Variants in FBXW2 observed in about 807,000 individuals in gnomAD.
FBXW2 encodes F-box/WD repeat-containing protein 2.
Under a neutral mutation model 46.0 loss-of-function variants are expected in FBXW2, and 12 were observed. The ratio of observed to expected loss-of-function variants is 0.26; its 90% CI spans 0.17 to 0.42. The LOEUF (loss-of-function observed/expected upper bound fraction) is 0.42. Ranked by LOEUF, FBXW2 falls within the 10% of genes least tolerant of loss-of-function variation. FBXW2 has a pLI of 1.00. For missense variants in FBXW2, 360 were observed against 537.0 expected (o/e 0.67, Z 3.26); for synonymous variants, 203 against 209.6 (o/e 0.97, Z 0.27).
intron 2 of FBXW2, 134 bp from the exon 3 acceptor site, chr9:120,788,412 T>C: frequency 1.4e-6 from 1 of 720,672 alleles, no homozygotes; most frequent in Admixed American, 2.7e-5. Context: ...ATTACAACTT[T>C]ACAGTTAATA....
At chr9:120,781,558 G>A (rs1204333078) in intron 3 of FBXW2, among the ~76,000 whole-genome samples, 1 of 151,766 alleles carries the variant, frequency 6.6e-6, no homozygotes, top group Non-Finnish European at 1.5e-5. Context: ...GGGAAAACTA[G>A]AGGCAAGAAG....
rs1262999098 is a variant in FBXW2 at position 120,763,170 on chromosome 9, G to T, written c.*1389C>A. ...AACAATGTGAAGACCTGCCAACCCTGGGCTTGCTTCTCCTAATGACAAAAC... is the reference window on the plus strand; with the variant it reads ...AACAATGTGAAGACCTGCCAACCCTTGGCTTGCTTCTCCTAATGACAAAAC... On this transcript the variant is annotated 3_prime_UTR_variant, in exon 8 of 8. Coordinates refer to ENST00000608872, the MANE Select transcript of FBXW2 (RefSeq NM_012164.4). The T allele has an allele frequency of 6.6e-6, 1 of 152,154 alleles. No homozygotes were observed. Among genetic ancestry groups the T allele is most frequent in the African/African-American group, 2.4e-5 (1 of 41,442 alleles). 9.4% of individuals were successfully genotyped at this position (152,154 alleles called of 1,614,324 possible).
intron 2 of FBXW2, among the ~76,000 whole-genome samples, chr9:120,790,833 T>A (rs191974646): frequency 3.7e-4 from 57 of 152,014 alleles, no homozygotes; most frequent in African/African-American, 1.3e-3. Context: ...AAAAAAAAAA[T>A]GCCAAATTAA....
At chr9:120,770,915 CT>C (rs1313137348) in intron 7 of FBXW2, among the ~76,000 whole-genome samples, 1 of 152,174 alleles carries the variant, frequency 6.6e-6, no homozygotes, top group Non-Finnish European at 1.5e-5. Flanking sequence ...AAGTCTCTGT[CT>C]TTCTACTAGT....
chr9:120,769,692 T>C (rs2131294961), intron 7 of FBXW2, among the ~76,000 whole-genome samples: 1 of 152,342 alleles, frequency 6.6e-6, no homozygotes, highest in African/African-American at 2.4e-5. Flanking sequence ...TCCCCTGTTT[T>C]TGGTGTCCCT....
chr9:120,784,726 C>T (rs1445844066), intron 3 of FBXW2, among the ~76,000 whole-genome samples: 11 of 151,918 alleles, frequency 7.2e-5, no homozygotes, highest in Non-Finnish European at 1.3e-4. Flanking sequence ...TTGAGACCAG[C>T]CTGACCAACA....
At position 120,764,545 on chromosome 9, in the gene FBXW2, G is replaced by T; in HGVS notation, c.*14C>A. 6.2e-7 allele frequency: 1 copy of T among 1,601,404 alleles called. No homozygotes were observed. Among genetic ancestry groups the T allele is most frequent in the Non-Finnish European group, 8.5e-7 (1 of 1,169,692 alleles). ...CCGGCACCCAAAGTCAGTCAGCGGT[G>T]GTGGCTCATGGTGTCAGCCGTGCTC... On this transcript the variant is annotated 3_prime_UTR_variant, in exon 8 of 8. Transcript: ENST00000608872.
rs2044371082 is a variant in FBXW2 at position 120,771,343 on chromosome 9, A to G, written c.1076+5T>C. The G allele has an allele frequency of 1.2e-6, 2 of 1,607,290 alleles. No homozygotes were observed. The highest frequency in any genetic ancestry group is 1.7e-5 in the Admixed American group (1 of 58,552). On this transcript the variant is annotated splice_donor_5th_base_variant and intron_variant, in intron 7 of 7. Coordinates refer to ENST00000608872, the MANE Select transcript of FBXW2 (RefSeq NM_012164.4). ...GGTAAAGCGTGAGGTCGAAGGAAAC[A>G]TTACCTGAGAATATCATAACTGGCA...
At position 120,757,620 on chromosome 9, in the gene FBXW2, A is replaced by C; in HGVS notation, c.*6939T>G. 1 of 152,244 alleles carries C rather than the reference A, an allele frequency of 6.6e-6. No individual in the cohort carries two copies. The highest frequency in any genetic ancestry group is 1.9e-4 in the East Asian group (1 of 5,204). The allele number at this position is 152,244 out of a possible 1,614,324, so 9.4% of individuals were successfully genotyped here. On this transcript the variant is annotated 3_prime_UTR_variant, in exon 8 of 8. Transcript: ENST00000608872. ...ATTTGCAGTACATAAATCCATACAC[A>C]TGTGCATAAGGATTAGAAGAGAGTA...
intron 7 of FBXW2, among the ~76,000 whole-genome samples, chr9:120,770,516 C>CA (rs1281322796): frequency 6.6e-6 from 1 of 152,096 alleles, no homozygotes; most frequent in East Asian, 1.9e-4. Flanking sequence ...GTAGGTTCAA[C>CA]AAATTCAAAC....
chr9:120,788,990 A>G (rs2044778538), intron 2 of FBXW2, among the ~76,000 whole-genome samples: 1 of 152,234 alleles, frequency 6.6e-6, no homozygotes, highest in South Asian at 2.1e-4. Flanking sequence ...TAAACCTCAT[A>G]TGAGCTAGTG....
rs780302280 is a variant in FBXW2, at chr9:120,778,466, T to C, written c.570A>G (p.Ala190=). The C allele has an allele frequency of 6.2e-7, 1 of 1,614,144 alleles. No homozygotes were observed. Among genetic ancestry groups the C allele is most frequent in the South Asian group, 1.1e-5 (1 of 91,074 alleles). The stretch of plus-strand genomic sequence containing the variant: ...GCTTCTGTTCATCAAACTTCACCGC[T>C]GCACAAGTGTGGGTCTGGATGCCAT... ...CVYGIQTHTC[A]AVKFDEQKLV... The change falls in exon 4 of 8, where the codon GCA becomes GCG. Residue 190 remains alanine, a synonymous_variant. Coordinates refer to ENST00000608872, the MANE Select transcript of FBXW2 (RefSeq NM_012164.4).
At chr9:120,764,909 T>C in intron 7 of FBXW2, 62 bp from the exon 8 acceptor site, 1 of 1,296,246 alleles carries the variant, frequency 7.7e-7, no homozygotes, top group Non-Finnish European at 1.1e-6. Flanking sequence ...TATGCTACTG[T>C]AATCTTTTCT....
intron 2 of FBXW2, among the ~76,000 whole-genome samples, chr9:120,791,660 C>T (rs188216430): frequency 8.5e-5 from 13 of 152,168 alleles, no homozygotes; most frequent in African/African-American, 1.9e-4. Context: ...CTCTTTTGAC[C>T]CTATCATCTT....
In FBXW2 at chr9:120,764,570, C is replaced by T. The variant is rs763556442; in HGVS notation, c.1354G>A (p.Glu452Lys). The T allele has an allele frequency of 8.7e-6, 14 of 1,612,476 alleles. No homozygotes were observed. The highest frequency in any genetic ancestry group is 1.1e-5 in the Non-Finnish European group (13 of 1,178,634). ...DHSIHLVLWKEHG is the reference protein window; with the variant it reads ...DHSIHLVLWKKHG ...GGTGGCTCATGGTGTCAGCCGTGCTCCTTCCACAACACCAGGTGAATACTG... is the reference window on the plus strand; with the variant it reads ...GGTGGCTCATGGTGTCAGCCGTGCTTCTTCCACAACACCAGGTGAATACTG... The change falls in exon 8 of 8, where the codon GAG (glutamate) becomes AAG (lysine). Residue 452 changes from glutamate to lysine, a missense_variant. Transcript: ENST00000608872.
chr9:120,788,299 G>GT (rs774771598), intron 2 of FBXW2, 21 bp from the exon 3 acceptor site: 1 of 1,592,088 alleles, frequency 6.3e-7, no homozygotes, highest in Non-Finnish European at 8.5e-7. Flanking sequence ...TCAAAATATT[G>GT]TATTAGTTCT....
At chr9:120,767,910 C>T (rs1203603491) in intron 7 of FBXW2, among the ~76,000 whole-genome samples, 6 of 152,218 alleles carry the variant, frequency 3.9e-5, no homozygotes, top group African/African-American at 1.4e-4. Flanking sequence ...AAGACACCAT[C>T]TTTTGCCTGC....
In FBXW2 at chr9:120,777,513, C is replaced by A. The variant is rs16910134; in HGVS notation, c.685+838G>T. ...TTATATTTGTATGATGAGCGGTCTA[C>A]AGTAATACAAGTTACTGGGAAATAG... On this transcript the variant is annotated intron_variant, in intron 4 of 7. Transcript: ENST00000608872. Among the ~76,000 whole-genome samples the A allele has an allele frequency of 0.03, 4,497 of 152,160 alleles. 345 individuals carry two copies. The East Asian group carries it at 0.32, about 11-fold the overall frequency.
chr9:120,774,850 C>A (rs1388178495), intron 5 of FBXW2, among the ~76,000 whole-genome samples: 1 of 152,180 alleles, frequency 6.6e-6, no homozygotes, highest in South Asian at 2.1e-4. Flanking sequence ...AGGATTACCA[C>A]CTCTCTGCCC....
Sources: allele counts gnomAD v4.1 joint callset (sites outside exome capture counted in the v4.1 genomes callset), GRCh38; gene constraint gnomAD v4.1.1; transcripts MANE v1.5; gene names NCBI Gene and HGNC (gene_info 2026-07-23, HGNC 2026-07-21).